KIF20B: variants seen among roughly 807,000 people sequenced by gnomAD.
The protein encoded by KIF20B is kinesin-like protein KIF20B.
A neutral mutation model predicts 232.5 loss-of-function variants in KIF20B; 188 were observed. That is an observed-to-expected ratio of 0.81 (90% CI 0.72 to 0.91). The LOEUF is 0.91. Ranked by LOEUF, KIF20B falls within the 40% of genes least tolerant of loss-of-function variation. The probability of loss-of-function intolerance (pLI) is 0.00; values close to 1 mark genes in which losing one functional copy is unlikely to be tolerated. For missense variants in KIF20B, 2,154 were observed against 2,055.9 expected (o/e 1.05, Z -0.92); for synonymous variants, 712 against 683.0 (o/e 1.04, Z -0.66).
At chr10:89,752,523 C>T (rs941832176) in intron 24 of KIF20B, 44 bp from the exon 25 acceptor site, 2 of 1,467,528 alleles carry the variant, frequency 1.4e-6, no homozygotes, top group Non-Finnish European at 1.8e-6. Flanking sequence ...CATGGTATAA[C>T]TTTTGCATAT....
intron 31 of KIF20B, among the ~76,000 whole-genome samples, chr10:89,771,744 T>C (rs1271815026): frequency 6.6e-6 from 1 of 152,022 alleles, no homozygotes; most frequent in Non-Finnish European, 1.5e-5. Context: ...CTGAGGTCTA[T>C]AAAACTGCGA....
chr10:89,732,848 G>C, intron 18 of KIF20B, 55 bp from the exon 19 acceptor site: 1 of 1,391,320 alleles, frequency 7.2e-7, no homozygotes, highest in Non-Finnish European at 9.6e-7. Flanking sequence ...TATGTGATTT[G>C]TACATTTTTT....
intron 21 of KIF20B, among the ~76,000 whole-genome samples, chr10:89,742,077 G>A (rs1300315483): frequency 1.3e-5 from 2 of 152,110 alleles, no homozygotes; most frequent in Admixed American, 6.5e-5. Context: ...TGTAATCTGA[G>A]GTTGCTAAGA....
At chr10:89,748,944 A>AT (rs1013470600) in intron 23 of KIF20B, among the ~76,000 whole-genome samples, 3 of 151,286 alleles carry the variant, frequency 2.0e-5, no homozygotes, top group Non-Finnish European at 3.0e-5. Context: ...CCTGCTTTTT[A>AT]TTTTTCATTA....
At position 89,716,505 on chromosome 10, in the gene KIF20B, A is replaced by G. The variant is rs1842937520; in HGVS notation, c.1010A>G (p.Gln337Arg). 1.9e-6 allele frequency: 3 copies of G among 1,594,784 alleles called. No homozygotes were observed. Among genetic ancestry groups the G allele is most frequent in the East Asian group, 2.2e-5 (1 of 44,660 alleles). ...CTTTTAAAACTAGGAATAAAGCACC[A>G]GAGTGTTGCCTTCACAAAATTGAAT... Reference protein sequence around the residue: ...YRLLKLGIKHQSVAFTKLNNA... With the variant: ...YRLLKLGIKHRSVAFTKLNNA... Residue 337 changes from glutamine to arginine, a missense_variant, in exon 9 of 33, where the codon CAG becomes CGG. By Grantham distance (43) the Gln-to-Arg change is conservative. Transcript: ENST00000371728.
intron 23 of KIF20B, among the ~76,000 whole-genome samples, 197 bp from the exon 24 acceptor site, chr10:89,751,149 A>G (rs1842013476): frequency 1.3e-5 from 2 of 152,130 alleles, no homozygotes; most frequent in Non-Finnish European, 1.5e-5. Context: ...TACACCAAAT[A>G]TATATTTAGT....
At chr10:89,720,987 A>G (rs11185858) in intron 13 of KIF20B, among the ~76,000 whole-genome samples, 47,245 of 151,850 alleles carry the variant, frequency 0.31, 8,282 homozygotes, top group African/African-American at 0.47. Flanking sequence ...GATTATAGGC[A>G]TGAGCCACCT....
intron 22 of KIF20B, among the ~76,000 whole-genome samples, chr10:89,744,804 A>G (rs1319612667): frequency 6.6e-6 from 1 of 152,180 alleles, no homozygotes; most frequent in East Asian, 1.9e-4. Context: ...TTCTTAAGGT[A>G]ATCATAATAA....
chr10:89,768,813 A>T lies in KIF20B; in HGVS notation c.5167A>T (p.Thr1723Ser), dbSNP rs1298011216. The change falls in exon 31 of 33, where the codon ACT becomes TCT. Residue 1723 changes from threonine to serine, a missense_variant. Transcript: ENST00000371728. The part of the protein sequence containing the change: ...QASIIGVNLA[T>S]KKKEGTLQKF... ...ATCCATAATTGGTGTAAACCTGGCCACTAAGAAAAAAGAAGGAACACTACA... is the reference window on the plus strand; with the variant it reads ...ATCCATAATTGGTGTAAACCTGGCCTCTAAGAAAAAAGAAGGAACACTACA... 6.2e-7 allele frequency: 1 copy of T among 1,610,316 alleles called. No individual in the cohort carries two copies. Among genetic ancestry groups the T allele is most frequent in the South Asian group, 1.1e-5 (1 of 90,316 alleles).
At chr10:89,773,578 C>T (rs1259027283) in intron 32 of KIF20B, among the ~76,000 whole-genome samples, 1 of 151,856 alleles carries the variant, frequency 6.6e-6, no homozygotes, top group Non-Finnish European at 1.5e-5. Flanking sequence ...GATTTCTTCC[C>T]TTGGCTGAAA....
chr10:89,765,651 A>C (rs1052954961), intron 29 of KIF20B, among the ~76,000 whole-genome samples: 6 of 152,160 alleles, frequency 3.9e-5, no homozygotes, highest in African/African-American at 1.4e-4. Context: ...AGGCTACAGT[A>C]ACCAAAACAG....
Position 89,768,746 on chromosome 10 carries a change from A to G in KIF20B, c.5100A>G (p.Ile1700Met), listed in dbSNP as rs546317045. The change falls in exon 31 of 33, where the codon ATA becomes ATG. Residue 1700 changes from isoleucine (I) to methionine (M), a missense_variant. Transcript: ENST00000371728. ...AATGTTTTGTTTATTAGGTTGCCAT[A>G]CGTCCATCATCTAAGAAAACATATT... ...SSVKKEQKVA[I>M]RPSSKKTYSL... 3.8e-6 allele frequency: 6 copies of G among 1,586,546 alleles called. No homozygotes were observed. The highest frequency in any genetic ancestry group is 3.5e-5 in the South Asian group (3 of 85,588).
chr10:89,752,861 TG>T (rs1404983070), intron 25 of KIF20B, among the ~76,000 whole-genome samples, 170 bp downstream of exon 25: 1 of 152,186 alleles, frequency 6.6e-6, no homozygotes, highest in Non-Finnish European at 1.5e-5. Flanking sequence ...TGAAATGACA[TG>T]GGGAAGAAAT....
intron 18 of KIF20B, among the ~76,000 whole-genome samples, chr10:89,730,971 C>T (rs370276205): frequency 5.3e-5 from 8 of 151,820 alleles, no homozygotes; most frequent in South Asian, 4.2e-4. Context: ...CTTCGATTTA[C>T]GGTAGTAGTA....
Position 89,768,313 on chromosome 10 carries a change from G to A in KIF20B, c.5013G>A (p.Lys1671=). 1 of 1,574,522 alleles carries A rather than the reference G, an allele frequency of 6.4e-7. No homozygotes were observed. The highest frequency in any genetic ancestry group is 8.6e-7 in the Non-Finnish European group (1 of 1,156,818). The change falls in exon 30 of 33, where the codon AAG becomes AAA. Residue 1671 remains lysine (K), a synonymous_variant. Transcript: ENST00000371728. ...MEEDLVKCEN[K]KNATPRTNLK... ...AGGACTTGGTGAAATGTGAAAATAA[G>A]AAGAATGCTACACCCAGAACTAATT...
intron 25 of KIF20B, 77 bp from the exon 26 acceptor site, chr10:89,754,441 G>A (rs1462758575): frequency 1.1e-6 from 1 of 892,998 alleles, no homozygotes; most frequent in Non-Finnish European, 1.6e-6. Context: ...GTAATGGATT[G>A]TATGAAAATG....
At chr10:89,726,565 T>C (rs749848688) in intron 16 of KIF20B, 44 bp downstream of exon 16, 21 of 1,426,730 alleles carry the variant, frequency 1.5e-5, no homozygotes, top group Non-Finnish European at 1.8e-5. Context: ...TGTAAACACA[T>C]AAAAAGTACT....
At chr10:89,741,610 C>T (rs1424724752) in intron 21 of KIF20B, among the ~76,000 whole-genome samples, 1 of 152,102 alleles carries the variant, frequency 6.6e-6, no homozygotes. Context: ...TTTTTAACTT[C>T]CATTTTGTTG....
intron 18 of KIF20B, among the ~76,000 whole-genome samples, chr10:89,732,634 TAGTTG>T (rs1166158370): frequency 6.6e-6 from 1 of 152,170 alleles, no homozygotes; most frequent in African/African-American, 2.4e-5. Flanking sequence ...ACAAAATAAA[TAGTTG>T]AGTTCATATT....
Sources: allele counts gnomAD v4.1 joint callset (sites outside exome capture counted in the v4.1 genomes callset), GRCh38; gene constraint gnomAD v4.1.1; transcripts MANE v1.5; gene names NCBI Gene and HGNC (gene_info 2026-07-23, HGNC 2026-07-21).